PPP4R1: variants seen among roughly 807,000 people sequenced by gnomAD.
PPP4R1 encodes protein phosphatase 4 regulatory subunit 1, also known as serine/threonine-protein phosphatase 4 regulatory subunit 1.
Under a neutral mutation model 111.2 loss-of-function variants are expected in PPP4R1, and 42 were observed. The ratio of observed to expected loss-of-function variants is 0.38; its 90% CI spans 0.29 to 0.49. PPP4R1 has a LOEUF of 0.49. Among genes scored for constraint, PPP4R1 ranks in the 20% least tolerant of loss-of-function variants. The pLI is 0.97. For synonymous variants in PPP4R1, 409 were observed against 405.5 expected (o/e 1.01, Z -0.10); for missense variants, 1,012 against 1,161.6 (o/e 0.87, Z 1.87).
chr18:9,614,661 T>A, upstream of PPP4R1: 1 of 145,356 alleles, frequency 6.9e-6, no homozygotes, highest in Non-Finnish European at 1.4e-5. This position sits in a 1 kb window ranked among gnomAD's most constrained non-coding sequence, Gnocchi z 4.1. Context: ...GCGGCGCGGC[T>A]CCCGGCCGCC....
intron 11 of PPP4R1, among the ~76,000 whole-genome samples, 192 bp downstream of exon 11, chr18:9,569,965 G>A (rs1215892799): frequency 1.3e-5 from 2 of 151,996 alleles, no homozygotes. Flanking sequence ...GCCCAGACTG[G>A]TCTCAACCTC....
chr18:9,598,229 G>A (rs1489910205), intron 2 of PPP4R1, among the ~76,000 whole-genome samples: 1 of 152,136 alleles, frequency 6.6e-6, no homozygotes, highest in Non-Finnish European at 1.5e-5. Context: ...AGTCCCCAAA[G>A]AAGAATGGGA....
intron 14 of PPP4R1, among the ~76,000 whole-genome samples, chr18:9,557,825 A>G (rs916600040): frequency 6.6e-6 from 1 of 152,086 alleles, no homozygotes; most frequent in African/African-American, 2.4e-5. Context: ...CTGTAGCACT[A>G]AGCACATGCT....
At chr18:9,577,521 A>G (rs577800380) in intron 9 of PPP4R1, among the ~76,000 whole-genome samples, 206 of 152,224 alleles carry the variant, frequency 1.4e-3, no homozygotes, top group African/African-American at 4.8e-3. Flanking sequence ...CAAAGTTAGC[A>G]GGGCGTGGTG....
chr18:9,599,651 G>A (rs967449482), intron 2 of PPP4R1: 4 of 152,094 alleles, frequency 2.6e-5, no homozygotes, highest in Non-Finnish European at 4.4e-5. Flanking sequence ...TTATAAATCA[G>A]AGCTGTAAAA....
intron 4 of PPP4R1, among the ~76,000 whole-genome samples, 196 bp from the exon 5 acceptor site, chr18:9,589,049 C>A (rs1453126151): frequency 6.6e-6 from 1 of 152,194 alleles, no homozygotes; most frequent in Non-Finnish European, 1.5e-5. Flanking sequence ...AGGACCTTAT[C>A]TTCAATCCAA....
intron 2 of PPP4R1, chr18:9,599,829 T>C (rs949134236): frequency 3.3e-5 from 5 of 152,188 alleles, no homozygotes; most frequent in African/African-American, 9.7e-5. Context: ...AAATTGATTC[T>C]GGCCCATAAA....
intron 16 of PPP4R1, among the ~76,000 whole-genome samples, chr18:9,552,833 C>A (rs1215514282): frequency 1.3e-5 from 2 of 152,124 alleles, no homozygotes; most frequent in African/African-American, 4.8e-5. Context: ...AAAAGGAAGG[C>A]AGGTTCAGCT....
chr18:9,616,226 TGGG>T (rs2067686287), upstream of PPP4R1, among the ~76,000 whole-genome samples: 1 of 149,824 alleles, frequency 6.7e-6, no homozygotes, highest in Non-Finnish European at 1.5e-5. Flanking sequence ...TCTGGGTAAA[TGGG>T]GGAAGAAAGA....
intron 4 of PPP4R1, 21 bp from the exon 5 acceptor site, chr18:9,588,874 T>G (rs1233498176): frequency 4.3e-6 from 7 of 1,609,492 alleles, no homozygotes; most frequent in Non-Finnish European, 5.9e-6. Flanking sequence ...AACGGCAATG[T>G]GAGCAAACAT....
chr18:9,605,563 T>C (rs1173432006), intron 2 of PPP4R1, among the ~76,000 whole-genome samples: 1 of 72,610 alleles, frequency 1.4e-5, no homozygotes, highest in African/African-American at 6.5e-5. Context: ...GTAGCAGTCC[T>C]GTCAAAAAAA....
intron 6 of PPP4R1, 63 bp from the exon 7 acceptor site, chr18:9,584,891 A>C (rs1252149665): frequency 1.6e-6 from 2 of 1,271,600 alleles, no homozygotes; most frequent in African/African-American, 3.0e-5. Context: ...AGTTAAATTA[A>C]ATAATAAAAG....
intron 6 of PPP4R1, among the ~76,000 whole-genome samples, chr18:9,586,747 AC>A (rs2067122770): frequency 6.6e-6 from 1 of 152,188 alleles, no homozygotes; most frequent in Non-Finnish European, 1.5e-5. Context: ...GTGAACTCTT[AC>A]TATCCAAATA....
At chr18:9,564,875 G>A (rs2066741219) in intron 11 of PPP4R1, among the ~76,000 whole-genome samples, 1 of 151,480 alleles carries the variant, frequency 6.6e-6, no homozygotes. Flanking sequence ...GCCCAAGTTG[G>A]AGTTACTTGC....
At chr18:9,586,265 C>T (rs2145204650) in intron 6 of PPP4R1, among the ~76,000 whole-genome samples, 1 of 151,960 alleles carries the variant, frequency 6.6e-6, no homozygotes, top group South Asian at 2.1e-4. Context: ...CTCCTACTAG[C>T]ACTGGATATA....
chr18:9,557,976 AG>A (rs1213571917), intron 14 of PPP4R1, among the ~76,000 whole-genome samples: 2 of 152,250 alleles, frequency 1.3e-5, no homozygotes, highest in Admixed American at 6.5e-5. Flanking sequence ...TTTGTTTTTA[AG>A]GAATTGGCAA....
chr18:9,548,158 A>G (rs1042778993), intron 19 of PPP4R1, among the ~76,000 whole-genome samples: 4 of 152,212 alleles, frequency 2.6e-5, no homozygotes, highest in African/African-American at 7.2e-5. Context: ...TCTTGTTTTT[A>G]TAAGACTAAA....
intron 2 of PPP4R1, chr18:9,612,804 T>G (rs561485763): frequency 6.6e-6 from 1 of 152,280 alleles, no homozygotes; most frequent in Non-Finnish European, 1.5e-5. Context: ...AAGCTGCCCT[T>G]CACTACATGA....
At chr18:9,577,801 T>G (rs2066962154) in intron 9 of PPP4R1, among the ~76,000 whole-genome samples, 1 of 152,102 alleles carries the variant, frequency 6.6e-6, no homozygotes, top group Admixed American at 6.5e-5. Context: ...CTAAAGAAGG[T>G]CCTGCTGTGT....
Sources: allele counts gnomAD v4.1 joint callset (sites outside exome capture counted in the v4.1 genomes callset), GRCh38; gene constraint gnomAD v4.1.1; non-coding constraint Gnocchi (gnomAD v3.1); transcripts MANE v1.5; gene names NCBI Gene and HGNC (gene_info 2026-07-23, HGNC 2026-07-21).